GLP2R: variants seen among roughly 807,000 people sequenced by gnomAD.
GLP2R encodes the protein glucagon-like peptide 2 receptor.
Under a neutral mutation model 68.2 loss-of-function variants are expected in GLP2R, and 59 were observed. The observed-to-expected ratio is 0.87, with a 90% CI of 0.70 to 1.07. The LOEUF (loss-of-function observed/expected upper bound fraction) is 1.07, where lower values mean the gene tolerates loss of function less well. GLP2R is among the 50% of genes least tolerant of loss of function. The pLI, the probability that GLP2R is intolerant of heterozygous loss-of-function variation, is 0.00. For missense variants in GLP2R, 548 were observed against 677.4 expected (o/e 0.81, Z 2.12); for synonymous variants, 270 against 265.4 (o/e 1.02, Z -0.17).
intron 6 of GLP2R, among the ~76,000 whole-genome samples, chr17:9,859,636 A>AAAAT (rs1555571772): frequency 0.15 from 20,798 of 142,700 alleles, 1,892 homozygotes; most frequent in Non-Finnish European, 0.21. Flanking sequence ...ACTAAAAAAA[A>AAAAT]ATATATATAT....
At chr17:9,837,153 C>T (rs78122706) in intron 3 of GLP2R, among the ~76,000 whole-genome samples, 7 of 152,084 alleles carry the variant, frequency 4.6e-5, no homozygotes, top group East Asian at 1.9e-4. Flanking sequence ...TGCGCCTGGC[C>T]GATTAAGTTA....
chr17:9,880,184 C>T (rs138599380), intron 10 of GLP2R, among the ~76,000 whole-genome samples, 194 bp from the exon 11 acceptor site: 2 of 152,270 alleles, frequency 1.3e-5, no homozygotes, highest in African/African-American at 4.8e-5. Flanking sequence ...ATTCCCCATG[C>T]GTCAAGTGTA....
intron 11 of GLP2R, among the ~76,000 whole-genome samples, chr17:9,881,608 C>T (rs1247257658): frequency 7.4e-6 from 1 of 135,558 alleles, no homozygotes; most frequent in East Asian, 1.9e-4. Context: ...TCTCGATCTC[C>T]TGACCTCGTG....
intron 4 of GLP2R, among the ~76,000 whole-genome samples, chr17:9,843,477 G>A (rs1295282337): frequency 6.6e-6 from 1 of 152,208 alleles, no homozygotes; most frequent in Non-Finnish European, 1.5e-5. Flanking sequence ...CTGGTACACG[G>A]TCAGCATGGT....
chr17:9,864,813 G>A lies in GLP2R; in HGVS notation c.1056+2723G>A, dbSNP rs192370276. On this transcript the variant is annotated intron_variant, in intron 9 of 12. Coordinates refer to ENST00000262441, the MANE Select transcript of GLP2R (RefSeq NM_004246.3). The stretch of plus-strand genomic sequence containing the variant: ...GCTGGGATTTCAGGCATGAGCCACC[G>A]TGTCTGGCCCCACTGTAGTTTTAAA... 4.3e-3 allele frequency among the ~76,000 whole-genome samples: 647 copies of A among 152,206 alleles called. 2 individuals carry two copies. Among genetic ancestry groups the A allele is most frequent in the African/African-American group, 0.014 (597 of 41,526 alleles).
At chr17:9,826,506 G>A (rs183896874) in intron 1 of GLP2R, among the ~76,000 whole-genome samples, 1 of 151,878 alleles carries the variant, frequency 6.6e-6, no homozygotes, top group East Asian at 1.9e-4. Context: ...TTGTGTCCTG[G>A]TCCCCCCAAC....
intron 11 of GLP2R, among the ~76,000 whole-genome samples, chr17:9,887,001 G>A (rs1479256979): frequency 6.6e-6 from 1 of 152,148 alleles, no homozygotes; most frequent in Admixed American, 6.5e-5. Flanking sequence ...GGACAGCCAG[G>A]ACATGTAGGT....
intron 9 of GLP2R, chr17:9,866,714 C>T (rs1340906795): frequency 6.6e-6 from 1 of 152,152 alleles, no homozygotes; most frequent in Non-Finnish European, 1.5e-5. Context: ...GAGTTTCTAT[C>T]CTCAGGGAAT....
intron 6 of GLP2R, among the ~76,000 whole-genome samples, chr17:9,858,293 T>A (rs1002737404): frequency 1.3e-5 from 2 of 152,258 alleles, no homozygotes; most frequent in Non-Finnish European, 2.9e-5. Context: ...ATCCTGCTAA[T>A]GACGCAGTAA....
intron 4 of GLP2R, among the ~76,000 whole-genome samples, chr17:9,843,891 G>A (rs2066811528): frequency 1.4e-5 from 2 of 147,994 alleles, no homozygotes; most frequent in Admixed American, 6.8e-5. Context: ...GGGATAGCAC[G>A]TGGATACTGC....
intron 10 of GLP2R, among the ~76,000 whole-genome samples, chr17:9,878,546 G>A (rs898523735): frequency 5.3e-5 from 8 of 152,180 alleles, no homozygotes; most frequent in African/African-American, 1.9e-4. Context: ...GTCGATCTGA[G>A]CTCAGCTCAA....
chr17:9,826,458 T>G (rs2066631432), intron 1 of GLP2R, among the ~76,000 whole-genome samples: 1 of 152,194 alleles, frequency 6.6e-6, no homozygotes, highest in African/African-American at 2.4e-5. Flanking sequence ...GCATTTGTTT[T>G]TTTTTACAAC....
Position 9,857,534 on chromosome 17 carries a change from G to C in GLP2R, c.723G>C (p.Lys241Asn), listed in dbSNP as rs147244387. The change falls in exon 6 of 13, where the codon AAG (lysine) becomes AAC (asparagine). Residue 241 changes from lysine to asparagine, a missense_variant. Lys to Asn is a moderately conservative substitution (Grantham distance 94). Coordinates refer to ENST00000262441, the MANE Select transcript of GLP2R (RefSeq NM_004246.3). The part of the protein sequence containing the change: ...KDVVFYNSYS[K>N]RPDNENGWMS... ...TCGTCTTCTACAACTCTTACTCCAA[G>C]AGGCCTGACAATGAGAATGGGTGGA... 4 of 1,614,070 alleles carry C rather than the reference G, an allele frequency of 2.5e-6. No individual in the cohort carries two copies. In the African/African-American group the frequency reaches 4.0e-5, roughly 16 times the overall value.
chr17:9,871,835 C>T (rs1316587722), intron 10 of GLP2R, among the ~76,000 whole-genome samples: 1 of 151,196 alleles, frequency 6.6e-6, no homozygotes, highest in Non-Finnish European at 1.5e-5. Context: ...AGCCATTCTC[C>T]TGCCTCAGCC....
rs559962084 is a variant in GLP2R, at chr17:9,879,698, T to A, written c.1146-680T>A. 3.9e-5 allele frequency among the ~76,000 whole-genome samples: 6 copies of A among 152,310 alleles called. No homozygotes were observed. In the East Asian group the frequency reaches 1.2e-3, roughly 29 times the overall value. On this transcript the variant is annotated intron_variant, in intron 10 of 12. Coordinates refer to ENST00000262441, the MANE Select transcript of GLP2R (RefSeq NM_004246.3). ...ACGTGGGTGGCACAAGGAATGTTTG[T>A]CTTTTTTGTGTAGTCTATATACAAC...
intron 2 of GLP2R, among the ~76,000 whole-genome samples, chr17:9,835,070 C>T (rs948993763): frequency 1.4e-5 from 2 of 143,560 alleles, no homozygotes; most frequent in African/African-American, 5.4e-5. Flanking sequence ...CACTCTGTTG[C>T]CAAGCTGGAG....
At position 9,833,890 on chromosome 17, in the gene GLP2R, T is replaced by A; in HGVS notation, c.273T>A (p.Pro91=). The change falls in exon 2 of 13, where the codon CCT becomes CCA. Residue 91 remains proline, a synonymous_variant. Transcript: ENST00000262441. ...GTCTGAGAGACTTACTCAAGGAACCTTCTGGTAAGCATGTGTATTAGTTAT... is the reference window on the plus strand; with the variant it reads ...GTCTGAGAGACTTACTCAAGGAACCATCTGGTAAGCATGTGTATTAGTTAT... The part of the protein sequence containing the change: ...QACLRDLLKE[P]SGIFCNGTFD... 1 of 1,601,218 alleles carries A rather than the reference T, an allele frequency of 6.2e-7. No homozygotes were observed.
At chr17:9,861,939 C>T (rs1030273875) in intron 8 of GLP2R, 82 bp from the exon 9 acceptor site, 13 of 961,078 alleles carry the variant, frequency 1.4e-5, no homozygotes, top group African/African-American at 1.3e-4. Context: ...AAGCATCCTT[C>T]TTCCAGAGAG....
At chr17:9,889,069 C>A (rs1389656694) in intron 12 of GLP2R, among the ~76,000 whole-genome samples, 1 of 152,196 alleles carries the variant, frequency 6.6e-6, no homozygotes, top group Non-Finnish European at 1.5e-5. Context: ...TCTTCTGTAT[C>A]TTCATGCAGG....
Sources: allele counts gnomAD v4.1 joint callset (sites outside exome capture counted in the v4.1 genomes callset), GRCh38; gene constraint gnomAD v4.1.1; transcripts MANE v1.5; gene names NCBI Gene and HGNC (gene_info 2026-07-23, HGNC 2026-07-21).